The following SYTL3 variants were observed in gnomAD, a reference collection of about 807,000 sequenced individuals.
SYTL3 encodes the protein synaptotagmin-like protein 3.
A neutral mutation model predicts 82.1 loss-of-function variants in SYTL3; 88 were observed. The ratio of observed to expected loss-of-function variants is 1.07; its 90% CI spans 0.90 to 1.28. SYTL3 has a LOEUF of 1.28. Ranked by LOEUF, SYTL3 falls within the 50% of genes most tolerant of loss-of-function variation. SYTL3 has a pLI of 0.00. For synonymous variants in SYTL3, 311 were observed against 289.4 expected (o/e 1.07, Z -0.76); for missense variants, 831 against 757.6 (o/e 1.10, Z -1.14).
rs1259259016 is a variant in SYTL3 at position 158,713,828 on chromosome 6, TTAA to T, written c.549_551del (p.Asn183del). 12 of 1,550,466 alleles carry T rather than the reference TTAA, an allele frequency of 7.7e-6. No individual in the cohort carries two copies. The highest frequency in any genetic ancestry group is 1.0e-5 in the Non-Finnish European group (12 of 1,146,518). On this transcript the variant is annotated inframe_deletion, in exon 9 of 18. Transcript: ENST00000611299. ...CAGGAATTTGGTCAGTTTAGAGGAT[TTAA>T]TAAGTCCGTGGAAAATTTGTTTCTG...
intron 11 of SYTL3, among the ~76,000 whole-genome samples, chr6:158,735,521 G>A (rs1186486448): frequency 6.6e-6 from 1 of 152,064 alleles, no homozygotes; most frequent in Non-Finnish European, 1.5e-5. Flanking sequence ...ATTTATTTGA[G>A]GAAACTGAAC....
chr6:158,712,828 G>A (rs1216391843), intron 8 of SYTL3, among the ~76,000 whole-genome samples: 1 of 147,374 alleles, frequency 6.8e-6, no homozygotes, highest in Non-Finnish European at 1.5e-5. Context: ...GCGTGATCTC[G>A]ACTCATTGCA....
At chr6:158,655,975 G>T (rs1267465157) in intron 2 of SYTL3, among the ~76,000 whole-genome samples, 1 of 152,212 alleles carries the variant, frequency 6.6e-6, no homozygotes, top group Non-Finnish European at 1.5e-5. Context: ...GAATGGTCTT[G>T]AATGAGGTCA....
chr6:158,707,322 G>A (rs1163353841), intron 7 of SYTL3, 41 bp downstream of exon 7: 2 of 1,590,424 alleles, frequency 1.3e-6, no homozygotes. Context: ...GCCCTCCGGG[G>A]CAGGAGCGCA....
chr6:158,744,813 G>A (rs1290952869), intron 11 of SYTL3, among the ~76,000 whole-genome samples: 2 of 152,148 alleles, frequency 1.3e-5, no homozygotes, highest in Non-Finnish European at 2.9e-5. Context: ...CAGGAATTTT[G>A]TGCTAATTAA....
intron 11 of SYTL3, among the ~76,000 whole-genome samples, chr6:158,732,747 G>A (rs1028016566): frequency 2.0e-5 from 3 of 152,114 alleles, no homozygotes; most frequent in African/African-American, 7.2e-5. Flanking sequence ...TAACCCATCA[G>A]TCCACCCTTA....
At chr6:158,761,024 A>G (rs1446640665) in intron 15 of SYTL3, among the ~76,000 whole-genome samples, 1 of 152,078 alleles carries the variant, frequency 6.6e-6, no homozygotes, top group African/African-American at 2.4e-5. Context: ...CCAGGGGCAG[A>G]TTGGATGGTC....
chr6:158,687,301 A>G (rs1293547351), intron 6 of SYTL3, among the ~76,000 whole-genome samples: 1 of 152,194 alleles, frequency 6.6e-6, no homozygotes, highest in Non-Finnish European at 1.5e-5. Flanking sequence ...GTTCCTCACC[A>G]TGGGGATATC....
chr6:158,729,854 C>T (rs62431599), intron 11 of SYTL3, among the ~76,000 whole-genome samples: 25,314 of 151,230 alleles, frequency 0.17, 2,675 homozygotes, highest in Non-Finnish European at 0.24. Context: ...ATATAAGCTA[C>T]TGCACCCGGC....
chr6:158,735,177 G>A (rs748120345), intron 11 of SYTL3, among the ~76,000 whole-genome samples: 3 of 152,058 alleles, frequency 2.0e-5, no homozygotes, highest in Non-Finnish European at 4.4e-5. Context: ...GGGAGAGGTG[G>A]GGTGAGCAAA....
At chr6:158,755,381 T>C (rs1022240420) in intron 13 of SYTL3, among the ~76,000 whole-genome samples, 2 of 152,038 alleles carry the variant, frequency 1.3e-5, no homozygotes, top group Non-Finnish European at 2.9e-5. Context: ...GAGGGAAAAC[T>C]GGCTAAAAGT....
chr6:158,676,867 C>T (rs1301259542), intron 5 of SYTL3, among the ~76,000 whole-genome samples: 1 of 152,050 alleles, frequency 6.6e-6, no homozygotes, highest in Admixed American at 6.6e-5. Context: ...TACCATCTCA[C>T]ACCAGTTAGA....
intron 5 of SYTL3, among the ~76,000 whole-genome samples, chr6:158,675,166 C>G (rs1023723635): frequency 6.6e-6 from 1 of 152,116 alleles, no homozygotes; most frequent in Non-Finnish European, 1.5e-5. Context: ...TCTAAGGATG[C>G]CCCCCTGCGG....
chr6:158,718,570 C>T (rs769632637), intron 10 of SYTL3, among the ~76,000 whole-genome samples: 2 of 152,230 alleles, frequency 1.3e-5, no homozygotes, highest in Admixed American at 1.3e-4. Context: ...TCTGCAAGAC[C>T]AGCAGCCTTT....
At chr6:158,713,456 G>C (rs1782990731) in intron 8 of SYTL3, among the ~76,000 whole-genome samples, 1 of 152,168 alleles carries the variant, frequency 6.6e-6, no homozygotes, top group Non-Finnish European at 1.5e-5. Flanking sequence ...TAAACAAGCA[G>C]TAATTTACTT....
intron 6 of SYTL3, 28 bp downstream of exon 6, chr6:158,683,017 G>A (rs1351084767): frequency 1.3e-6 from 2 of 1,509,404 alleles, no homozygotes; most frequent in East Asian, 4.5e-5. Context: ...TTTTAGTAAA[G>A]TAAAATGATC....
chr6:158,690,944 A>T (rs1158726190), intron 6 of SYTL3, among the ~76,000 whole-genome samples: 2 of 152,084 alleles, frequency 1.3e-5, no homozygotes, highest in African/African-American at 4.8e-5. Context: ...AGGGTTTTTA[A>T]TGTGGTTCCT....
At chr6:158,647,365 T>C (rs1787547804), upstream of SYTL3, among the ~76,000 whole-genome samples, 1 of 152,256 alleles carries the variant, frequency 6.6e-6, no homozygotes, top group Middle Eastern at 3.2e-3. Flanking sequence ...GGTCTGTTTA[T>C]CTTCACAACT....
chr6:158,653,604 G>A (rs1243186558), intron 2 of SYTL3, among the ~76,000 whole-genome samples: 4 of 152,292 alleles, frequency 2.6e-5, no homozygotes, highest in East Asian at 3.9e-4. Flanking sequence ...CCCTGTGTAC[G>A]AGGCAGAAAG....
Sources: allele counts gnomAD v4.1 joint callset (sites outside exome capture counted in the v4.1 genomes callset), GRCh38; gene constraint gnomAD v4.1.1; transcripts MANE v1.5; gene names NCBI Gene and HGNC (gene_info 2026-07-23, HGNC 2026-07-21).